The following HABP2 variants were observed in gnomAD, a reference collection of about 807,000 sequenced individuals.
HABP2 encodes factor VII-activating protease.
In HABP2, 65 loss-of-function variants were observed where a neutral mutation model predicts 66.5. That is an observed-to-expected ratio of 0.98 (90% CI 0.80 to 1.20). The LOEUF is 1.20. HABP2 is among the 50% of genes most tolerant of loss of function. HABP2 has a pLI of 0.00. For missense variants in HABP2, 786 were observed against 691.0 expected (o/e 1.14, Z -1.54); for synonymous variants, 263 against 253.9 (o/e 1.04, Z -0.34).
intron 7 of HABP2, among the ~76,000 whole-genome samples, chr10:113,579,464 A>G (rs1047449879): frequency 6.6e-6 from 1 of 152,332 alleles, no homozygotes; most frequent in South Asian, 2.1e-4. Context: ...TTGGTCAGAA[A>G]TAATCACATG....
chr10:113,580,002 G>A (rs571600236), intron 7 of HABP2, among the ~76,000 whole-genome samples: 3 of 152,066 alleles, frequency 2.0e-5, no homozygotes, highest in East Asian at 1.9e-4. Context: ...GCCTGGTCTC[G>A]AACTCTTGAC....
rs1463204283 is a variant in HABP2 at position 113,572,823 on chromosome 10, TAAATG to T, written c.107-1464_107-1460del. 1.7e-5 allele frequency: 5 copies of T among 288,140 alleles called. 1 individual carries two copies. The highest frequency in any genetic ancestry group is 1.1e-4 in the South Asian group (4 of 35,312). 17.8% of individuals were successfully genotyped at this position (288,140 alleles called of 1,614,324 possible). A position where few individuals can be genotyped will look rare whatever the true frequency, so the allele number is the denominator to read the frequency against. ...AGGGAGTCTTGACTTGACACTGTGA[TAAATG>T]AGGTGAAACTTTGGCAAGAAACCAG... On this transcript the variant is annotated intron_variant, in intron 2 of 12. Coordinates refer to ENST00000351270, the MANE Select transcript of HABP2 (RefSeq NM_004132.5).
intron 1 of HABP2, among the ~76,000 whole-genome samples, chr10:113,558,630 T>A (rs1284431094): frequency 7.2e-5 from 11 of 152,180 alleles, no homozygotes; most frequent in Admixed American, 3.9e-4. Context: ...AGGCACCATC[T>A]CAATCAACTC....
At chr10:113,584,033 C>A in intron 10 of HABP2, 115 bp from the exon 11 acceptor site, 2 of 772,304 alleles carry the variant, frequency 2.6e-6, no homozygotes, top group Admixed American at 2.3e-5. Flanking sequence ...GATTTTCAGG[C>A]ATGGTGGGGG....
At chr10:113,579,669 T>G (rs1334966832) in intron 7 of HABP2, among the ~76,000 whole-genome samples, 4 of 152,224 alleles carry the variant, frequency 2.6e-5, no homozygotes, top group Non-Finnish European at 4.4e-5. Flanking sequence ...CACTACCCTT[T>G]GTCTGGCCAA....
chr10:113,568,891 A>G (rs1845251373), intron 2 of HABP2, among the ~76,000 whole-genome samples: 1 of 152,214 alleles, frequency 6.6e-6, no homozygotes, highest in Admixed American at 6.5e-5. Flanking sequence ...AAGTTGTAAG[A>G]GACATCTACA....
At chr10:113,559,008 C>T (rs1056336888) in intron 1 of HABP2, among the ~76,000 whole-genome samples, 3 of 152,268 alleles carry the variant, frequency 2.0e-5, no homozygotes, top group African/African-American at 7.2e-5. Flanking sequence ...GCAACTGCCA[C>T]CACGCCCAGC....
At position 113,589,540 on chromosome 10, in the gene HABP2, G is replaced by T; in HGVS notation, c.*1171G>T. ...CCATGAAATTAGGCGCCTTGTTTGAGCTGCGTTTCACACTTCTTTAGAGCT... is the reference window on the plus strand; with the variant it reads ...CCATGAAATTAGGCGCCTTGTTTGATCTGCGTTTCACACTTCTTTAGAGCT... On this transcript the variant is annotated 3_prime_UTR_variant, in exon 13 of 13. Coordinates refer to ENST00000351270, the MANE Select transcript of HABP2 (RefSeq NM_004132.5). The T allele has an allele frequency of 8.6e-7, 1 of 1,165,616 alleles. No homozygotes were observed. The highest frequency in any genetic ancestry group is 1.2e-6 in the Non-Finnish European group (1 of 828,716). The allele number at this position is 1,165,616 out of a possible 1,614,324, so 72.2% of individuals were successfully genotyped here.
chr10:113,566,819 G>A (rs936466942), intron 1 of HABP2, among the ~76,000 whole-genome samples: 2 of 152,200 alleles, frequency 1.3e-5, no homozygotes, highest in Non-Finnish European at 2.9e-5. Context: ...TGAGGTGGGA[G>A]GAATTTATCT....
Position 113,577,183 on chromosome 10 carries a change from G to A in HABP2, c.365G>A (p.Arg122Gln), listed in dbSNP as rs147689085. 24 of 1,610,734 alleles carry A rather than the reference G, an allele frequency of 1.5e-5. No homozygotes were observed. The East Asian group carries it at 1.6e-4, about 10-fold the overall frequency. Residue 122 changes from arginine (R) to glutamine (Q), a missense_variant, in exon 5 of 13, where the codon CGG becomes CAG. Coordinates refer to ENST00000351270, the MANE Select transcript of HABP2 (RefSeq NM_004132.5). ...QNTCKDNPCG[R>Q]GQCLITQSPP... is the part of the protein sequence containing the mutation. ...ACGTGCAAGGACAACCCATGTGGCC[G>A]GGGCCAATGTCTCATTACCCAGAGT...
intron 10 of HABP2, among the ~76,000 whole-genome samples, chr10:113,583,572 A>G (rs1369145002): frequency 6.6e-6 from 1 of 152,206 alleles, no homozygotes; most frequent in Non-Finnish European, 1.5e-5. Flanking sequence ...GAGGGGAAGC[A>G]ATGCTAGGAA....
chr10:113,572,690 A>C (rs1845334769), intron 2 of HABP2: 1 of 455,474 alleles, frequency 2.2e-6, no homozygotes, highest in African/African-American at 2.0e-5. Context: ...CTCCAGGAAG[A>C]CAATGGCCTT....
intron 1 of HABP2, 27 bp from the exon 2 acceptor site, chr10:113,567,462 G>C (rs766426497): frequency 1.2e-6 from 2 of 1,600,808 alleles, no homozygotes; most frequent in Non-Finnish European, 1.7e-6. Context: ...TCTCAACGCT[G>C]ATCTGCTGTG....
At chr10:113,576,286 G>A (rs140061736) in intron 4 of HABP2, among the ~76,000 whole-genome samples, 8 of 152,278 alleles carry the variant, frequency 5.3e-5, no homozygotes, top group African/African-American at 1.9e-4. Flanking sequence ...TCAGGACTTT[G>A]TGCTTAGAGT....
chr10:113,565,526 C>T (rs1845182269), intron 1 of HABP2, among the ~76,000 whole-genome samples: 2 of 152,130 alleles, frequency 1.3e-5, no homozygotes, highest in African/African-American at 4.8e-5. Flanking sequence ...ACAACCAGCT[C>T]TCCTAGGAAC....
At chr10:113,570,366 A>C (rs1348051195) in intron 2 of HABP2, among the ~76,000 whole-genome samples, 1 of 152,238 alleles carries the variant, frequency 6.6e-6, no homozygotes, top group Non-Finnish European at 1.5e-5. Context: ...GGATACTCTC[A>C]TGATTCTTCC....
intron 11 of HABP2, among the ~76,000 whole-genome samples, chr10:113,584,504 C>G (rs544764335): frequency 6.6e-6 from 1 of 152,288 alleles, no homozygotes; most frequent in African/African-American, 2.4e-5. Context: ...CTGGCCCTAC[C>G]CCTAAATACT....
At chr10:113,582,428 A>G (rs772557112) in intron 9 of HABP2, among the ~76,000 whole-genome samples, 22 of 152,350 alleles carry the variant, frequency 1.4e-4, no homozygotes, top group Middle Eastern at 3.4e-3. Context: ...CAGTGTCTTG[A>G]GCAGGCCTTT....
In HABP2 at chr10:113,589,090, C is replaced by A; in HGVS notation, c.*721C>A. ...TGCTTCTGCCCCCCGCTGCTGAAAT[C>A]AAACATACCCCAAGTTAAAATGAAG... On this transcript the variant is annotated 3_prime_UTR_variant, in exon 13 of 13. Transcript: ENST00000351270. 1.2e-6 allele frequency: 2 copies of A among 1,610,816 alleles called. No individual in the cohort carries two copies. The highest frequency in any genetic ancestry group is 1.7e-6 in the Non-Finnish European group (2 of 1,177,442).
Sources: allele counts gnomAD v4.1 joint callset (sites outside exome capture counted in the v4.1 genomes callset), GRCh38; gene constraint gnomAD v4.1.1; transcripts MANE v1.5; gene names NCBI Gene and HGNC (gene_info 2026-07-23, HGNC 2026-07-21).